Variants in ASTN2 observed in about 807,000 individuals in gnomAD.
The protein encoded by ASTN2 is astrotactin 2.
A neutral mutation model predicts 139.8 loss-of-function variants in ASTN2; 54 were observed. The observed-to-expected ratio is 0.39, with a 90% CI of 0.31 to 0.48. ASTN2 has a LOEUF of 0.48. Ranked by LOEUF, ASTN2 falls within the 20% of genes least tolerant of loss-of-function variation. ASTN2 has a pLI of 0.95. For synonymous variants in ASTN2, 756 were observed against 719.5 expected, an observed-to-expected ratio of 1.05 and a Z score of -0.81; for missense variants, 1,565 against 1,725.1, an observed-to-expected ratio of 0.91 and a Z score of 1.64.
chr9:116,896,109 C>A (rs956898891), intron 10 of ASTN2, among the ~76,000 whole-genome samples: 1 of 152,122 alleles, frequency 6.6e-6, no homozygotes, highest in Admixed American at 6.5e-5. Flanking sequence ...TTGCCAAGCA[C>A]AGAACCTGGA....
chr9:116,508,867 AG>A (rs1401848558), intron 19 of ASTN2, among the ~76,000 whole-genome samples: 1 of 152,162 alleles, frequency 6.6e-6, no homozygotes, highest in Admixed American at 6.5e-5. Context: ...AGAAAGCAAA[AG>A]TCAGGGATAT....
intron 10 of ASTN2, among the ~76,000 whole-genome samples, chr9:116,889,488 C>T (rs1218726528): frequency 6.6e-6 from 1 of 152,100 alleles, no homozygotes; most frequent in Non-Finnish European, 1.5e-5. Context: ...AATCCCACTG[C>T]ATAGGAGTAT....
At chr9:116,846,844 C>T (rs969980129) in intron 11 of ASTN2, among the ~76,000 whole-genome samples, 2 of 152,034 alleles carry the variant, frequency 1.3e-5, no homozygotes, top group Non-Finnish European at 2.9e-5. Flanking sequence ...GTGCAAGTGG[C>T]TTGGGAACAT....
At chr9:116,435,017 G>A (rs973016802) in intron 22 of ASTN2, among the ~76,000 whole-genome samples, 2 of 152,204 alleles carry the variant, frequency 1.3e-5, no homozygotes, top group African/African-American at 4.8e-5. Context: ...AGTCCTCAAA[G>A]TACTCCTGGA....
At chr9:116,977,301 G>A (rs1037423525) in intron 7 of ASTN2, among the ~76,000 whole-genome samples, 7 of 152,048 alleles carry the variant, frequency 4.6e-5, no homozygotes, top group Non-Finnish European at 1.0e-4. Flanking sequence ...GTAGTCTCCT[G>A]GTTTTATTTT....
chr9:117,180,483 C>G (rs867522869), intron 3 of ASTN2: 2 of 581,264 alleles, frequency 3.4e-6, no homozygotes, highest in Admixed American at 3.0e-5. Context: ...AAGTTCTCAT[C>G]CACATCGTCA....
intron 13 of ASTN2, among the ~76,000 whole-genome samples, chr9:116,797,089 G>C (rs1830716585): frequency 6.6e-6 from 1 of 151,686 alleles, no homozygotes; most frequent in Admixed American, 6.6e-5. Context: ...CCAAAATGCT[G>C]GGTGTTAAAT....
intron 2 of ASTN2, among the ~76,000 whole-genome samples, chr9:117,258,934 C>T (rs994962563): frequency 3.9e-5 from 6 of 152,096 alleles, no homozygotes; most frequent in Admixed American, 3.9e-4. Flanking sequence ...AGTAGATATA[C>T]AAAGGTAGAA....
intron 13 of ASTN2, among the ~76,000 whole-genome samples, chr9:116,771,872 T>C (rs1333481663): frequency 6.6e-6 from 1 of 152,116 alleles, no homozygotes; most frequent in East Asian, 1.9e-4. Context: ...GCCAGGAGTG[T>C]AGGCAGGCAA....
chr9:116,645,060 G>A (rs528438907), intron 17 of ASTN2, among the ~76,000 whole-genome samples: 1 of 152,040 alleles, frequency 6.6e-6, no homozygotes, highest in South Asian at 2.1e-4. Flanking sequence ...AGATGAAAAG[G>A]GATAAATACT....
At chr9:116,632,168 G>A (rs142479546) in intron 17 of ASTN2, among the ~76,000 whole-genome samples, 3 of 33,626 alleles carry the variant, frequency 8.9e-5, no homozygotes, top group African/African-American at 4.1e-4. Flanking sequence ...CAGAGAGAGA[G>A]AGAGAGAGAG....
chr9:116,642,153 A>AAAAAAAC (rs1305470468), intron 17 of ASTN2, among the ~76,000 whole-genome samples: 1 of 145,528 alleles, frequency 6.9e-6, no homozygotes, highest in Admixed American at 6.7e-5. Flanking sequence ...AAACAAAAAA[A>AAAAAAAC]AACAGAATCA....
In ASTN2 at chr9:117,370,379, G is replaced by A. The variant is rs78667638; in HGVS notation, c.442+44118C>T. ...CAGCAATGCCTCGGTGAACACCAAA[G>A]GCACACGGCCTCTAAGCTGTTGTTG... On this transcript the variant is annotated intron_variant, in intron 1 of 22. Transcript: ENST00000313400. Among the ~76,000 whole-genome samples, 772 of 152,280 alleles carry A rather than the reference G, an allele frequency of 5.1e-3. 2 individuals carry two copies. Among genetic ancestry groups the A allele is most frequent in the Non-Finnish European group, 8.2e-3 (555 of 68,014 alleles).
chr9:116,604,368 A>G (rs975876234), intron 19 of ASTN2, among the ~76,000 whole-genome samples: 1 of 152,140 alleles, frequency 6.6e-6, no homozygotes, highest in African/African-American at 2.4e-5. Context: ...AGTGACAGAA[A>G]TATTTTCTGA....
chr9:116,977,712 TTTC>T (rs1356192903), intron 7 of ASTN2, among the ~76,000 whole-genome samples: 9 of 70,760 alleles, frequency 1.3e-4, no homozygotes, highest in African/African-American at 4.0e-4. Flanking sequence ...AGAATTTCTT[TTTC>T]TTTTTTTTTT....
intron 1 of ASTN2, among the ~76,000 whole-genome samples, chr9:117,382,024 T>C (rs1280870134): frequency 6.6e-6 from 1 of 152,156 alleles, no homozygotes; most frequent in Non-Finnish European, 1.5e-5. Flanking sequence ...CACTTAAGTC[T>C]AGAGCTATAG....
At chr9:116,958,445 C>T (rs887576102) in intron 10 of ASTN2, among the ~76,000 whole-genome samples, 7 of 152,024 alleles carry the variant, frequency 4.6e-5, no homozygotes, top group African/African-American at 9.7e-5. Context: ...AAAAATTAGC[C>T]GGGCGTGGCG....
At chr9:116,858,848 T>C (rs2132333627) in intron 11 of ASTN2, among the ~76,000 whole-genome samples, 1 of 152,340 alleles carries the variant, frequency 6.6e-6, no homozygotes, top group African/African-American at 2.4e-5. Context: ...ATCTTTTACC[T>C]GTTATCAGTA....
intron 10 of ASTN2, among the ~76,000 whole-genome samples, chr9:116,898,364 C>T (rs1184411432): frequency 6.7e-6 from 1 of 149,982 alleles, no homozygotes; most frequent in Admixed American, 6.6e-5. Flanking sequence ...GAGCTATGAT[C>T]ACACCACTGC....
Sources: allele counts gnomAD v4.1 joint callset (sites outside exome capture counted in the v4.1 genomes callset), GRCh38; gene constraint gnomAD v4.1.1; transcripts MANE v1.5; gene names NCBI Gene and HGNC (gene_info 2026-07-23, HGNC 2026-07-21).